Variants in CWF19L2 observed in about 807,000 individuals in gnomAD.
The protein encoded by CWF19L2 is CWF19-like protein 2.
CWF19L2 carries 98 observed loss-of-function variants against 111.7 expected under a neutral mutation model. The observed-to-expected ratio is 0.88, with a 90% CI of 0.75 to 1.04. CWF19L2 has a LOEUF of 1.04. Among genes scored for constraint, CWF19L2 ranks in the 50% least tolerant of loss-of-function variants. The probability of loss-of-function intolerance (pLI) is 0.00; values close to 1 mark genes in which losing one functional copy is unlikely to be tolerated. For synonymous variants in CWF19L2, 351 were observed against 342.9 expected, an observed-to-expected ratio of 1.02 and a Z score of -0.26; for missense variants, 1,101 against 1,051.4, an observed-to-expected ratio of 1.05 and a Z score of -0.65.
intron 12 of CWF19L2, among the ~76,000 whole-genome samples, chr11:107,355,803 C>A (rs1039344307): frequency 6.6e-6 from 1 of 151,908 alleles, no homozygotes; most frequent in African/African-American, 2.4e-5. Context: ...ATTTTAAATA[C>A]CTCACTCTCT....
intron 8 of CWF19L2, among the ~76,000 whole-genome samples, chr11:107,423,380 A>G (rs1565277864): frequency 6.6e-6 from 1 of 151,996 alleles, no homozygotes; most frequent in Non-Finnish European, 1.5e-5. Flanking sequence ...ACATGTATGT[A>G]TAACACAAAT....
intron 13 of CWF19L2, among the ~76,000 whole-genome samples, chr11:107,353,220 C>T (rs1394114387): frequency 6.6e-6 from 1 of 152,114 alleles, no homozygotes; most frequent in Non-Finnish European, 1.5e-5. Flanking sequence ...CTCAACTTTT[C>T]CCCAGTGACT....
At chr11:107,396,899 C>A (rs1263243161) in intron 10 of CWF19L2, among the ~76,000 whole-genome samples, 3 of 152,154 alleles carry the variant, frequency 2.0e-5, no homozygotes, top group African/African-American at 7.2e-5. Context: ...TACCCCCCAA[C>A]TGGAGAAGTT....
intron 12 of CWF19L2, among the ~76,000 whole-genome samples, chr11:107,372,877 G>C (rs998584016): frequency 1.5e-5 from 2 of 129,964 alleles, no homozygotes; most frequent in East Asian, 2.2e-4. Context: ...CATCTCACTA[G>C]GGAGTGCCAG....
At chr11:107,435,815 A>G (rs929882122) in intron 6 of CWF19L2, among the ~76,000 whole-genome samples, 5 of 152,160 alleles carry the variant, frequency 3.3e-5, no homozygotes, top group African/African-American at 4.8e-5. Context: ...AATTTAGTCA[A>G]TATTTATTAT....
chr11:107,347,149 T>C (rs942424515), intron 14 of CWF19L2, among the ~76,000 whole-genome samples: 1 of 152,166 alleles, frequency 6.6e-6, no homozygotes, highest in African/African-American at 2.4e-5. Flanking sequence ...AACCAGCAAT[T>C]TGGATCTTAT....
chr11:107,397,602 A>G (rs1860942954), intron 10 of CWF19L2, among the ~76,000 whole-genome samples: 1 of 151,834 alleles, frequency 6.6e-6, no homozygotes, highest in Non-Finnish European at 1.5e-5. Flanking sequence ...GTGGAAGACA[A>G]AGGGCATACA....
intron 12 of CWF19L2, among the ~76,000 whole-genome samples, chr11:107,359,938 G>A (rs754074121): frequency 2.6e-4 from 40 of 152,194 alleles, no homozygotes; most frequent in Non-Finnish European, 4.3e-4. Flanking sequence ...ACTACACAAC[G>A]GAGGTAAGAG....
chr11:107,439,035 G>T, intron 6 of CWF19L2, 55 bp downstream of exon 6: 2 of 288,600 alleles, frequency 6.9e-6, no homozygotes, highest in Non-Finnish European at 5.7e-6. Flanking sequence ...ACTCTGTCTC[G>T]AAAAAAAAAA....
At chr11:107,432,609 C>T (rs1861480402) in intron 7 of CWF19L2, among the ~76,000 whole-genome samples, 1 of 151,984 alleles carries the variant, frequency 6.6e-6, no homozygotes, top group African/African-American at 2.4e-5. Context: ...TCCAATTCAC[C>T]AGTAAACAAA....
chr11:107,429,235 T>A lies in CWF19L2; in HGVS notation c.997A>T (p.Ile333Phe), dbSNP rs536850636. Residue 333 changes from isoleucine to phenylalanine, a missense_variant, in exon 8 of 18, where the codon ATT becomes TTT. Ile to Phe is a conservative substitution (Grantham distance 21, BLOSUM62 0). Coordinates refer to ENST00000282251, the MANE Select transcript of CWF19L2 (RefSeq NM_152434.3). ...TAKNSNNEKFIGDEKDKRPGS... is the reference protein window; with the variant it reads ...TAKNSNNEKFFGDEKDKRPGS... Reference sequence around the variant, plus strand: ...GGTCTCTTATCTTTTTCATCACCAATAAATTTTTCATTATTGCTATTTTTT... The same window carrying A: ...GGTCTCTTATCTTTTTCATCACCAAAAAATTTTTCATTATTGCTATTTTTT... 2 of 1,612,596 alleles carry A rather than the reference T, an allele frequency of 1.2e-6. No individual in the cohort carries two copies. The highest frequency in any genetic ancestry group is 3.3e-5 in the Admixed American group (2 of 59,782).
chr11:107,407,168 T>A (rs1861091009), intron 10 of CWF19L2, among the ~76,000 whole-genome samples: 1 of 152,178 alleles, frequency 6.6e-6, no homozygotes, highest in East Asian at 1.9e-4. Flanking sequence ...GGTACCTGCA[T>A]ATTTATGCAC....
chr11:107,345,781 T>C (rs1037085828), intron 14 of CWF19L2, among the ~76,000 whole-genome samples: 7 of 152,128 alleles, frequency 4.6e-5, no homozygotes, highest in African/African-American at 1.2e-4. Context: ...ACAAATACGC[T>C]ATACAAAAAT....
chr11:107,420,384 A>G (rs1003272949), intron 8 of CWF19L2, among the ~76,000 whole-genome samples: 1 of 152,108 alleles, frequency 6.6e-6, no homozygotes, highest in Non-Finnish European at 1.5e-5. Flanking sequence ...ATATCAAACA[A>G]ACAAGATTAC....
chr11:107,355,973 T>C (rs1375694170), intron 12 of CWF19L2, among the ~76,000 whole-genome samples: 1 of 152,220 alleles, frequency 6.6e-6, no homozygotes, highest in Non-Finnish European at 1.5e-5. Flanking sequence ...CTAGATGACA[T>C]TCTGGGTCAT....
At chr11:107,427,151 T>A (rs908723129) in intron 8 of CWF19L2, among the ~76,000 whole-genome samples, 3 of 152,050 alleles carry the variant, frequency 2.0e-5, no homozygotes, top group African/African-American at 7.2e-5. Context: ...ACAAAGATTA[T>A]TTGTAACAAC....
intron 3 of CWF19L2, among the ~76,000 whole-genome samples, chr11:107,446,640 G>A (rs1361125589): frequency 6.6e-6 from 1 of 152,070 alleles, no homozygotes; most frequent in Non-Finnish European, 1.5e-5. Context: ...GTTCCCCAAA[G>A]GTTTAAAAAT....
chr11:107,378,990 T>A (rs1355803336), intron 12 of CWF19L2, among the ~76,000 whole-genome samples: 1 of 152,138 alleles, frequency 6.6e-6, no homozygotes, highest in Non-Finnish European at 1.5e-5. Context: ...ACTACTAGCT[T>A]TCTAATCTAG....
intron 9 of CWF19L2, 31 bp from the exon 10 acceptor site, chr11:107,416,329 C>T (rs1325939819): frequency 1.8e-5 from 17 of 968,446 alleles, no homozygotes; most frequent in East Asian, 3.1e-5. Flanking sequence ...AAAATATGTG[C>T]GATATGTAGT....
Sources: allele counts gnomAD v4.1 joint callset (sites outside exome capture counted in the v4.1 genomes callset), GRCh38; gene constraint gnomAD v4.1.1; transcripts MANE v1.5; gene names NCBI Gene and HGNC (gene_info 2026-07-23, HGNC 2026-07-21).